Variants in LSAMP observed in about 807,000 individuals in gnomAD.
LSAMP encodes limbic system-associated membrane protein.
Under a neutral mutation model 38.6 loss-of-function variants are expected in LSAMP, and 7 were observed. The observed-to-expected ratio is 0.18, with a 90% CI of 0.10 to 0.34. LSAMP has a LOEUF of 0.34. Among genes scored for constraint, LSAMP ranks in the 10% least tolerant of loss-of-function variants. The pLI is 1.00. For missense variants in LSAMP, 313 were observed against 420.0 expected (o/e 0.75, Z 2.23); for synonymous variants, 154 against 166.8 (o/e 0.92, Z 0.59).
chr3:116,235,885 A>G (rs1420663462), intron 1 of LSAMP, among the ~76,000 whole-genome samples: 1 of 152,216 alleles, frequency 6.6e-6, no homozygotes, highest in African/African-American at 2.4e-5. Context: ...TTAGACTAAG[A>G]AAGATGCTCT....
chr3:116,221,718 C>A (rs1337886944), intron 1 of LSAMP, among the ~76,000 whole-genome samples: 1 of 152,122 alleles, frequency 6.6e-6, no homozygotes, highest in Non-Finnish European at 1.5e-5. Flanking sequence ...CAGTGAAGAT[C>A]CTGGTGTCTC....
chr3:115,895,249 C>A (rs1936699562), intron 3 of LSAMP, among the ~76,000 whole-genome samples: 1 of 151,990 alleles, frequency 6.6e-6, no homozygotes, highest in Non-Finnish European at 1.5e-5. Context: ...GGTTTAGAGG[C>A]TGGACAGAAA....
chr3:116,082,878 G>T (rs1920361), intron 2 of LSAMP, among the ~76,000 whole-genome samples: 7,948 of 152,126 alleles, frequency 0.052, 670 homozygotes, highest in African/African-American at 0.18. Context: ...AGACACTGGG[G>T]TTTATTTGAG....
chr3:116,026,001 C>T (rs991135320), intron 2 of LSAMP, among the ~76,000 whole-genome samples: 1 of 152,094 alleles, frequency 6.6e-6, no homozygotes, highest in African/African-American at 2.4e-5. Context: ...TTCACTGCAT[C>T]CTCAAACTCC....
At chr3:115,886,705 A>G (rs1304217570) in intron 3 of LSAMP, among the ~76,000 whole-genome samples, 1 of 152,020 alleles carries the variant, frequency 6.6e-6, no homozygotes, top group Non-Finnish European at 1.5e-5. Context: ...AAATAGAGCC[A>G]GCTCAATAGG....
intron 1 of LSAMP, among the ~76,000 whole-genome samples, chr3:116,113,479 G>A (rs1172458506): frequency 5.5e-5 from 7 of 126,776 alleles, no homozygotes; most frequent in Non-Finnish European, 9.5e-5. Flanking sequence ...AGGCTGGAGT[G>A]CAGTGGCGGG....
chr3:115,843,328 G>A (rs1457719681), intron 4 of LSAMP, among the ~76,000 whole-genome samples: 3 of 152,174 alleles, frequency 2.0e-5, no homozygotes, highest in African/African-American at 7.2e-5. Context: ...AAATCAGCTG[G>A]GAAACACATT....
At chr3:116,236,538 C>T (rs536538363) in intron 1 of LSAMP, among the ~76,000 whole-genome samples, 75 of 152,190 alleles carry the variant, frequency 4.9e-4, no homozygotes, top group African/African-American at 1.7e-3. Context: ...TTCTGAAATA[C>T]TAAACCACAT....
At chr3:116,080,198 A>T (rs1387232092) in intron 2 of LSAMP, among the ~76,000 whole-genome samples, 2 of 152,190 alleles carry the variant, frequency 1.3e-5, no homozygotes, top group Admixed American at 1.3e-4. Context: ...CCCATAAGGC[A>T]TTAAAATCTT....
intron 1 of LSAMP, among the ~76,000 whole-genome samples, chr3:116,190,949 C>T (rs1435960505): frequency 1.3e-5 from 2 of 152,162 alleles, no homozygotes; most frequent in Admixed American, 1.3e-4. Flanking sequence ...ATTTGTGAGG[C>T]TGTGTCAAAT....
At chr3:116,343,963 G>A (rs551331776) in intron 1 of LSAMP, among the ~76,000 whole-genome samples, 2 of 152,086 alleles carry the variant, frequency 1.3e-5, no homozygotes. Context: ...AGGGAAACTG[G>A]ATAATATATG....
chr3:116,144,305 T>C (rs1228540610), intron 1 of LSAMP, among the ~76,000 whole-genome samples: 1 of 151,938 alleles, frequency 6.6e-6, no homozygotes, highest in Non-Finnish European at 1.5e-5. Flanking sequence ...GGGAGACCAA[T>C]GCGAGAGGAT....
rs2049464295 is a variant in LSAMP, at chr3:116,443,488, A to T, written c.155+1389T>A. Among the ~76,000 whole-genome samples the T allele has an allele frequency of 3.3e-5, 5 of 152,224 alleles. No homozygotes were observed. In the South Asian group the frequency reaches 1.0e-3, roughly 32 times the overall value. On this transcript the variant is annotated intron_variant, in intron 1 of 6. Coordinates refer to ENST00000490035, the MANE Select transcript of LSAMP (RefSeq NM_002338.5). ...CACACAACACACACACATGCAATGC[A>T]CGGCACACAACACACACTTTCGTCT...
At chr3:116,281,787 C>T (rs1366310698) in intron 1 of LSAMP, among the ~76,000 whole-genome samples, 1 of 152,178 alleles carries the variant, frequency 6.6e-6, no homozygotes, top group Non-Finnish European at 1.5e-5. Flanking sequence ...TTACCCTCCT[C>T]CCCACATTTA....
intron 1 of LSAMP, among the ~76,000 whole-genome samples, chr3:116,416,962 G>A (rs533298752): frequency 2.6e-5 from 4 of 152,252 alleles, no homozygotes; most frequent in African/African-American, 9.6e-5. Context: ...CAAGAGAGGT[G>A]AAAGGAAGGC....
intron 5 of LSAMP, 106 bp downstream of exon 5, chr3:115,842,352 A>C (rs1935023950): frequency 7.2e-7 from 1 of 1,384,180 alleles, no homozygotes; most frequent in African/African-American, 1.5e-5. Flanking sequence ...GTGAGAATAT[A>C]GTTCTACATA....
chr3:116,350,109 A>T (rs374392331), intron 1 of LSAMP, among the ~76,000 whole-genome samples: 1 of 152,154 alleles, frequency 6.6e-6, no homozygotes, highest in East Asian at 1.9e-4. Context: ...GATTAAGAGG[A>T]TTAGAGCTAA....
intron 2 of LSAMP, among the ~76,000 whole-genome samples, chr3:116,059,940 C>G (rs527883677): frequency 6.6e-6 from 1 of 152,320 alleles, no homozygotes; most frequent in Admixed American, 6.5e-5. Flanking sequence ...GGAGTTCTCC[C>G]TGAGTCACTC....
At chr3:115,968,539 A>C (rs377631251) in intron 3 of LSAMP, among the ~76,000 whole-genome samples, 1 of 152,178 alleles carries the variant, frequency 6.6e-6, no homozygotes, top group Admixed American at 6.5e-5. Flanking sequence ...CTGATATTCT[A>C]TCCTACTGTG....
Sources: allele counts gnomAD v4.1 joint callset (sites outside exome capture counted in the v4.1 genomes callset), GRCh38; gene constraint gnomAD v4.1.1; transcripts MANE v1.5; gene names NCBI Gene and HGNC (gene_info 2026-07-23, HGNC 2026-07-21).